The following FBXL2 variants were observed in gnomAD, a reference collection of about 807,000 sequenced individuals.
FBXL2 encodes F-box/LRR-repeat protein 2.
Under a neutral mutation model 69.2 loss-of-function variants are expected in FBXL2, and 38 were observed. That is an observed-to-expected ratio of 0.55 (90% CI 0.42 to 0.72). The LOEUF (loss-of-function observed/expected upper bound fraction) is 0.72, where lower values mean the gene tolerates loss of function less well. Ranked by LOEUF, FBXL2 falls within the 30% of genes least tolerant of loss-of-function variation. FBXL2 has a pLI of 0.00. For synonymous variants in FBXL2, 192 were observed against 201.3 expected (o/e 0.95, Z 0.39); for missense variants, 354 against 520.3 (o/e 0.68, Z 3.11).
intron 2 of FBXL2, among the ~76,000 whole-genome samples, chr3:33,333,478 A>G (rs1422565951): frequency 6.6e-6 from 1 of 152,268 alleles, no homozygotes; most frequent in African/African-American, 2.4e-5. Context: ...ACTTCAGAAG[A>G]ACATGAAAGA....
chr3:33,409,705 C>T, the FBXL2 span: 1 of 1,436,888 alleles, frequency 7.0e-7, no homozygotes, highest in Non-Finnish European at 9.5e-7. Context: ...ATTCAAGATC[C>T]TTTAAAATAA....
intron 2 of FBXL2, among the ~76,000 whole-genome samples, chr3:33,299,135 A>G (rs1161624389): frequency 1.3e-5 from 2 of 151,778 alleles, no homozygotes; most frequent in Admixed American, 1.3e-4. Context: ...TCCGCCTCCC[A>G]GGTTCAAGCG....
chr3:33,359,080 TA>T, intron 3 of FBXL2, 59 bp downstream of exon 3: 1 of 1,168,998 alleles, frequency 8.6e-7, no homozygotes, highest in Admixed American at 2.5e-5. Flanking sequence ...GAATGAGTTT[TA>T]GTTCAAATTA....
chr3:33,417,000 C>A, the FBXL2 span, among the ~76,000 whole-genome samples: 2 of 152,208 alleles, frequency 1.3e-5, no homozygotes, highest in Non-Finnish European at 2.9e-5. Flanking sequence ...GAAAATCACA[C>A]CAACCTTCTG....
intron 2 of FBXL2, among the ~76,000 whole-genome samples, chr3:33,314,715 A>G (rs936176127): frequency 6.6e-6 from 1 of 152,226 alleles, no homozygotes; most frequent in African/African-American, 2.4e-5. Flanking sequence ...ACATTTTATA[A>G]TATTAAAATA....
At chr3:33,419,628 C>CAAAA in the FBXL2 span, among the ~76,000 whole-genome samples, 19 of 100,790 alleles carry the variant, frequency 1.9e-4, no homozygotes, top group African/African-American at 5.5e-4. Context: ...GACTCCATCT[C>CAAAA]AAAAAAAAAA....
At chr3:33,394,191 TTTA>T (rs148929407) in intron 12 of FBXL2, among the ~76,000 whole-genome samples, 37,747 of 143,244 alleles carry the variant, frequency 0.26, 5,877 homozygotes, top group East Asian at 0.58. Flanking sequence ...CTGGCTAATT[TTTA>T]TTATTATTAT....
At chr3:33,320,174 A>T (rs1363356616) in intron 2 of FBXL2, among the ~76,000 whole-genome samples, 1 of 152,170 alleles carries the variant, frequency 6.6e-6, no homozygotes, top group Non-Finnish European at 1.5e-5. Flanking sequence ...AGAAAAATAG[A>T]TATAGGGACT....
chr3:33,316,448 T>G (rs945933724), intron 2 of FBXL2, among the ~76,000 whole-genome samples: 4 of 152,180 alleles, frequency 2.6e-5, no homozygotes, highest in Non-Finnish European at 5.9e-5. Flanking sequence ...GCTTTGGCAG[T>G]TGTTTTTGAG....
chr3:33,358,832 C>A, intron 2 of FBXL2, 135 bp from the exon 3 acceptor site: 1 of 504,068 alleles, frequency 2.0e-6, no homozygotes. Context: ...TTATAGTGCA[C>A]TTGTATATTT....
rs371757909 is a variant in FBXL2 at position 33,280,973 on chromosome 3, G to A, written c.3+3458G>A. ...TATTTGTGGTCAAGACTTGTCACAG[G>A]TATTGGGAAGCAGAAGATGGAGGGA... On this transcript the variant is annotated intron_variant, in intron 1 of 14. Transcript: ENST00000484457. 2.2e-4 allele frequency among the ~76,000 whole-genome samples: 34 copies of A among 152,206 alleles called. No homozygotes were observed. The East Asian group carries it at 6.6e-3, about 29-fold the overall frequency.
downstream of FBXL2, chr3:33,389,279 G>C (rs1466221381): frequency 6.6e-6 from 1 of 152,526 alleles, no homozygotes; most frequent in Non-Finnish European, 1.5e-5. Context: ...GAGGCTTAAG[G>C]GATTTGTATG....
chr3:33,334,591 A>C (rs942113991), intron 2 of FBXL2, among the ~76,000 whole-genome samples: 7 of 152,196 alleles, frequency 4.6e-5, no homozygotes, highest in African/African-American at 1.7e-4. Context: ...TTGGAGGTGC[A>C]AAAAAGAGAA....
At chr3:33,279,511 C>T (rs968076246) in intron 1 of FBXL2, among the ~76,000 whole-genome samples, 21 of 152,168 alleles carry the variant, frequency 1.4e-4, no homozygotes, top group Non-Finnish European at 2.4e-4. Context: ...CCTTGTGATC[C>T]TCCTGCCTTG....
chr3:33,285,901 G>A (rs902776253), intron 1 of FBXL2, among the ~76,000 whole-genome samples: 1 of 152,028 alleles, frequency 6.6e-6, no homozygotes, highest in Non-Finnish European at 1.5e-5. Flanking sequence ...GTCATTTAAG[G>A]TCTTCTCTAC....
chr3:33,322,010 C>A (rs2125797914), intron 2 of FBXL2, among the ~76,000 whole-genome samples: 1 of 150,286 alleles, frequency 6.7e-6, no homozygotes, highest in Middle Eastern at 3.5e-3. Context: ...ACCTGAATTG[C>A]CACTTTTGAG....
chr3:33,405,368 G>A (rs376260353), downstream of FBXL2, among the ~76,000 whole-genome samples: 25 of 152,260 alleles, frequency 1.6e-4, no homozygotes, highest in East Asian at 4.8e-3. Context: ...TCCATAGGAT[G>A]CACTTCAAGA....
At chr3:33,418,980 T>C in the FBXL2 span, among the ~76,000 whole-genome samples, 1 of 151,436 alleles carries the variant, frequency 6.6e-6, no homozygotes, top group Non-Finnish European at 1.5e-5. Flanking sequence ...TTCTTAAACA[T>C]ATTGAAAGAC....
intron 2 of FBXL2, among the ~76,000 whole-genome samples, chr3:33,346,743 A>G (rs6780450): frequency 0.38 from 57,652 of 151,884 alleles, 11,908 homozygotes; most frequent in East Asian, 0.59. Context: ...ACCAAGATCA[A>G]AAATGAAAGG....
Sources: allele counts gnomAD v4.1 joint callset (sites outside exome capture counted in the v4.1 genomes callset), GRCh38; gene constraint gnomAD v4.1.1; transcripts MANE v1.5; gene names NCBI Gene and HGNC (gene_info 2026-07-23, HGNC 2026-07-21).